Variants in JAZF1 observed in about 807,000 individuals in gnomAD.
The protein encoded by JAZF1 is JAZF zinc finger 1, also known as juxtaposed with another zinc finger protein 1.
Under a neutral mutation model 26.4 loss-of-function variants are expected in JAZF1, and 8 were observed. The ratio of observed to expected loss-of-function variants is 0.30; its 90% CI spans 0.18 to 0.55. JAZF1 has a LOEUF of 0.55. Among genes scored for constraint, JAZF1 ranks in the 20% least tolerant of loss-of-function variants. The probability of loss-of-function intolerance (pLI) is 0.94; values close to 1 mark genes in which losing one functional copy is unlikely to be tolerated. For synonymous variants in JAZF1, 126 were observed against 122.3 expected (o/e 1.03, Z -0.20); for missense variants, 199 against 322.0 (o/e 0.62, Z 2.92).
chr7:28,103,185 G>A lies in JAZF1; in HGVS notation c.115+77278C>T, dbSNP rs114853378. ...TTCTTGGTCTCCTTTACTGGTTCCC[G>A]GATCTCATCCAGTCTATTGTTTTAA... On this transcript the variant is annotated intron_variant, in intron 1 of 4. Transcript: ENST00000283928. Among the ~76,000 whole-genome samples the A allele has an allele frequency of 6.7e-3, 1,018 of 152,140 alleles. 17 individuals carry two copies. Among genetic ancestry groups the A allele is most frequent in the African/African-American group, 0.024 (978 of 41,482 alleles).
At chr7:28,133,000 G>C (rs764174364) in intron 1 of JAZF1, among the ~76,000 whole-genome samples, 2 of 152,212 alleles carry the variant, frequency 1.3e-5, no homozygotes, top group Non-Finnish European at 2.9e-5. Context: ...AAAAGCAGAT[G>C]TGCTTTAAGC....
At chr7:27,884,731 TCA>T (rs894617012) in intron 3 of JAZF1, among the ~76,000 whole-genome samples, 8 of 152,348 alleles carry the variant, frequency 5.3e-5, no homozygotes, top group African/African-American at 1.9e-4. Flanking sequence ...TCTGGATATA[TCA>T]CAGTTTACCC....
At chr7:27,987,936 A>C (rs1376401157) in intron 2 of JAZF1, among the ~76,000 whole-genome samples, 1 of 152,180 alleles carries the variant, frequency 6.6e-6, no homozygotes, top group Non-Finnish European at 1.5e-5. Context: ...CTCAGGGTTA[A>C]ATGGATTAAG....
intron 3 of JAZF1, among the ~76,000 whole-genome samples, chr7:27,865,677 A>G (rs1783461447): frequency 6.6e-6 from 1 of 152,104 alleles, no homozygotes; most frequent in South Asian, 2.1e-4. Context: ...GAGTACAGTG[A>G]GTGCCACCCA....
Position 28,039,064 on chromosome 7 carries a change from T to C in JAZF1, c.116-47083A>G, listed in dbSNP as rs141928772. Among the ~76,000 whole-genome samples the C allele has an allele frequency of 1.8e-4, 28 of 152,262 alleles. No homozygotes were observed. In the East Asian group the frequency reaches 5.2e-3, roughly 28 times the overall value. On this transcript the variant is annotated intron_variant, in intron 1 of 4. Transcript: ENST00000283928. ...TAACAAATTAATAAAGAGTGGCAAA[T>C]TAGAGGCAAAGCATGCTAAATTTAA... is the stretch of plus-strand genomic sequence containing the variant.
intron 1 of JAZF1, among the ~76,000 whole-genome samples, chr7:28,008,428 T>A (rs563752239): frequency 3.9e-5 from 6 of 152,244 alleles, no homozygotes; most frequent in Admixed American, 1.3e-4. Context: ...GTTCTGGGAT[T>A]ATAGGTGTGA....
chr7:27,851,749 C>T (rs1374418391), intron 3 of JAZF1, among the ~76,000 whole-genome samples: 1 of 152,158 alleles, frequency 6.6e-6, no homozygotes. Context: ...ACTACCAAGC[C>T]TAAATTTAGC....
chr7:28,065,988 G>C (rs1042424360), intron 1 of JAZF1, among the ~76,000 whole-genome samples: 6 of 152,174 alleles, frequency 3.9e-5, no homozygotes, highest in Non-Finnish European at 7.4e-5. Context: ...CAAGAGCACA[G>C]TTAAATGTTC....
At chr7:27,902,987 G>T (rs985462999) in intron 2 of JAZF1, among the ~76,000 whole-genome samples, 23 of 137,166 alleles carry the variant, frequency 1.7e-4, no homozygotes, top group Non-Finnish European at 2.0e-4. Flanking sequence ...CTGCACTCCA[G>T]CCTGGGCGAC....
intron 2 of JAZF1, among the ~76,000 whole-genome samples, chr7:27,975,786 T>G (rs866593915): frequency 1.5e-4 from 23 of 152,322 alleles, no homozygotes; most frequent in Middle Eastern, 3.4e-3. Context: ...TAAATACTGA[T>G]GAGTGGACAT....
chr7:28,099,670 T>C (rs1006960269), intron 1 of JAZF1, among the ~76,000 whole-genome samples: 2 of 152,048 alleles, frequency 1.3e-5, no homozygotes, highest in Admixed American at 6.5e-5. Context: ...CAGACGGGAT[T>C]TCTCCATGTT....
intron 1 of JAZF1, among the ~76,000 whole-genome samples, chr7:28,025,005 A>C (rs1783068963): frequency 6.6e-6 from 1 of 152,226 alleles, no homozygotes; most frequent in Non-Finnish European, 1.5e-5. Context: ...GACCACAGGG[A>C]AACAGTGACC....
At chr7:28,094,418 C>T (rs1210902097) in intron 1 of JAZF1, among the ~76,000 whole-genome samples, 1 of 152,212 alleles carries the variant, frequency 6.6e-6, no homozygotes, top group Non-Finnish European at 1.5e-5. Context: ...CCAGCCCCGG[C>T]ACCGAGTCTC....
intron 1 of JAZF1, among the ~76,000 whole-genome samples, chr7:28,110,591 G>A (rs1784642646): frequency 8.7e-6 from 1 of 115,138 alleles, no homozygotes; most frequent in African/African-American, 3.3e-5. Context: ...AAAGGAAAAG[G>A]AAAAGGAAAA....
At chr7:28,135,657 C>T (rs191209611) in intron 1 of JAZF1, among the ~76,000 whole-genome samples, 76 of 152,284 alleles carry the variant, frequency 5.0e-4, no homozygotes, top group Admixed American at 9.8e-4. Context: ...CAAAAGAAAG[C>T]TTCAAAAGAG....
At chr7:28,093,130 T>C (rs1784329549) in intron 1 of JAZF1, among the ~76,000 whole-genome samples, 1 of 152,180 alleles carries the variant, frequency 6.6e-6, no homozygotes, top group Admixed American at 6.5e-5. Context: ...AATTAGCATC[T>C]GTGAATTTGG....
intron 1 of JAZF1, among the ~76,000 whole-genome samples, chr7:28,049,071 T>C (rs1226060556): frequency 1.1e-5 from 1 of 92,682 alleles, no homozygotes; most frequent in Non-Finnish European, 1.9e-5. Context: ...CTCCCTCCCT[T>C]CCTCTCTCTC....
intron 1 of JAZF1, among the ~76,000 whole-genome samples, chr7:28,072,259 T>C (rs145597535): frequency 1.2e-3 from 184 of 152,340 alleles, no homozygotes; most frequent in African/African-American, 4.3e-3. Flanking sequence ...AACCAGGGTG[T>C]AAAACTGACT....
intron 1 of JAZF1, among the ~76,000 whole-genome samples, chr7:28,076,070 T>C (rs950313516): frequency 6.6e-6 from 1 of 152,234 alleles, no homozygotes; most frequent in African/African-American, 2.4e-5. Context: ...TTGGTTTAAC[T>C]CAAATGGCCT....
Sources: allele counts gnomAD v4.1 joint callset (sites outside exome capture counted in the v4.1 genomes callset), GRCh38; gene constraint gnomAD v4.1.1; transcripts MANE v1.5; gene names NCBI Gene and HGNC (gene_info 2026-07-23, HGNC 2026-07-21).